CSPP1: variants seen among roughly 807,000 people sequenced by gnomAD.
The protein encoded by CSPP1 is centrosome and spindle pole associated protein 1.
Under a neutral mutation model 164.4 loss-of-function variants are expected in CSPP1, and 126 were observed. That is an observed-to-expected ratio of 0.77 (90% CI 0.66 to 0.89). The LOEUF is 0.89. CSPP1 is among the 40% of genes least tolerant of loss of function. CSPP1 has a pLI of 0.00. For synonymous variants in CSPP1, 472 were observed against 476.7 expected (o/e 0.99, Z 0.13); for missense variants, 1,395 against 1,449.8 (o/e 0.96, Z 0.61).
At position 67,154,097 on chromosome 8, in the gene CSPP1, T is replaced by A; in HGVS notation, c.2202T>A (p.Ile734=). 6.3e-7 allele frequency: 1 copy of A among 1,594,694 alleles called. No homozygotes were observed. Among genetic ancestry groups the A allele is most frequent in the Non-Finnish European group, 8.6e-7 (1 of 1,162,974 alleles). The change falls in exon 19 of 31, where the codon ATT becomes ATA. Residue 734 remains isoleucine (I), a synonymous_variant. Coordinates refer to ENST00000678616, the MANE Select transcript of CSPP1 (RefSeq NM_001382391.1). Reference sequence around the variant, plus strand: ...GTGAGCCTCCAACTGAACTTCAGATTAAACAGCAAGAATTATACAAGAATT... The same window carrying A: ...GTGAGCCTCCAACTGAACTTCAGATAAAACAGCAAGAATTATACAAGAATT... ...VFGEPPTELQ[I]KQQELYKNFL... is the part of the protein sequence containing the mutation.
intron 24 of CSPP1, among the ~76,000 whole-genome samples, chr8:67,171,484 G>A (rs1830452404): frequency 6.6e-6 from 1 of 152,064 alleles, no homozygotes; most frequent in Non-Finnish European, 1.5e-5. Flanking sequence ...GGCCTCCTGG[G>A]CTCAATCAAT....
rs183619087 is a variant in CSPP1 at position 67,131,928 on chromosome 8, T to G, written c.1698-23T>G. The G allele has an allele frequency of 2.6e-6, 4 of 1,559,650 alleles. No individual in the cohort carries two copies. The South Asian group carries it at 4.8e-5, about 19-fold the overall frequency. On this transcript the variant is annotated intron_variant, in intron 15 of 30. Transcript: ENST00000678616. ...TGCTTTGTCGTCAATGGATTTAAATTATTTATTGTGTATTTGATGTAGGAA... is the reference window on the plus strand; with the variant it reads ...TGCTTTGTCGTCAATGGATTTAAATGATTTATTGTGTATTTGATGTAGGAA...
chr8:67,109,576 G>T (rs959227732), intron 9 of CSPP1, among the ~76,000 whole-genome samples: 3 of 152,180 alleles, frequency 2.0e-5, no homozygotes, highest in African/African-American at 7.2e-5. Flanking sequence ...CAGGGATTCA[G>T]CTGGGAGCAG....
At chr8:67,080,175 C>T (rs1808846677) in intron 3 of CSPP1, among the ~76,000 whole-genome samples, 1 of 152,076 alleles carries the variant, frequency 6.6e-6, no homozygotes, top group South Asian at 2.1e-4. Context: ...TAAGTGGTCT[C>T]ATTTAGGAAT....
At chr8:67,115,872 T>G in intron 12 of CSPP1, 42 bp from the exon 13 acceptor site, 1 of 1,522,710 alleles carries the variant, frequency 6.6e-7, no homozygotes, top group Non-Finnish European at 9.1e-7. Flanking sequence ...CCTTTAAACT[T>G]ATGATTATAT....
intron 15 of CSPP1, among the ~76,000 whole-genome samples, chr8:67,127,668 C>T (rs1820363365): frequency 6.6e-6 from 1 of 152,138 alleles, no homozygotes; most frequent in African/African-American, 2.4e-5. Context: ...TCTTATTCTG[C>T]CATTCTAGAA....
intron 22 of CSPP1, among the ~76,000 whole-genome samples, chr8:67,163,144 G>A (rs1586643259): frequency 6.6e-6 from 1 of 152,238 alleles, no homozygotes; most frequent in African/African-American, 2.4e-5. Flanking sequence ...GTCACTTGGG[G>A]GTCACTTGAT....
chr8:67,177,603 AAGAT>A lies in CSPP1; in HGVS notation c.3110-75_3110-72del, dbSNP rs1224249477. ...ATTTCCAGTAGAGAGCTAGTCAAAA[AAGAT>A]ATTCTAAAATTTAATTTATATAGTA... On this transcript the variant is annotated intron_variant, in intron 26 of 30. Coordinates refer to ENST00000678616, the MANE Select transcript of CSPP1 (RefSeq NM_001382391.1). The A allele has an allele frequency of 9.9e-6, 9 of 911,500 alleles. No homozygotes were observed. The African/African-American group carries it at 1.0e-4, about 10-fold the overall frequency. 56.5% of individuals were successfully genotyped at this position (911,500 alleles called of 1,614,324 possible).
At chr8:67,103,183 A>T in intron 8 of CSPP1, 48 bp downstream of exon 8, 2 of 1,146,898 alleles carry the variant, frequency 1.7e-6, no homozygotes, top group Non-Finnish European at 2.6e-6. Flanking sequence ...ACATTGTGAA[A>T]CAGAATGTGC....
At chr8:67,074,188 A>G (rs1375757108) in intron 1 of CSPP1, 55 bp from the exon 2 acceptor site, 14 of 980,568 alleles carry the variant, frequency 1.4e-5, no homozygotes, top group Non-Finnish European at 1.9e-5. Context: ...ACATGTTGAT[A>G]ATTAGGCTAA....
intron 17 of CSPP1, among the ~76,000 whole-genome samples, chr8:67,141,994 AT>A (rs561479586): frequency 1.2e-3 from 176 of 152,352 alleles, no homozygotes; most frequent in African/African-American, 3.9e-3. Flanking sequence ...AATTAATAAA[AT>A]TGAATCTTAA....
At chr8:67,129,828 A>G (rs1346635430) in intron 15 of CSPP1, among the ~76,000 whole-genome samples, 1 of 152,196 alleles carries the variant, frequency 6.6e-6, no homozygotes, top group Non-Finnish European at 1.5e-5. Context: ...CTTACTTAAT[A>G]ATTACCTGGG....
intron 28 of CSPP1, among the ~76,000 whole-genome samples, chr8:67,190,193 T>C (rs1377714131): frequency 2.6e-5 from 4 of 152,234 alleles, no homozygotes; most frequent in Non-Finnish European, 5.9e-5. Context: ...TACTGGTAAA[T>C]GCATAGACAA....
At chr8:67,076,425 G>C in intron 2 of CSPP1, 57 bp from the exon 3 acceptor site, 1 of 931,124 alleles carries the variant, frequency 1.1e-6, no homozygotes, top group Non-Finnish European at 1.6e-6. Flanking sequence ...GAGATGAGTT[G>C]TATATTTCAT....
At chr8:67,070,114 G>A (rs1313618440) in intron 1 of CSPP1, among the ~76,000 whole-genome samples, 3 of 152,060 alleles carry the variant, frequency 2.0e-5, no homozygotes, top group Non-Finnish European at 4.4e-5. Flanking sequence ...CTTGTTTGCT[G>A]TTGAGTTCAG....
At chr8:67,162,476 G>A (rs1828551688) in intron 22 of CSPP1, among the ~76,000 whole-genome samples, 1 of 152,176 alleles carries the variant, frequency 6.6e-6, no homozygotes, top group Non-Finnish European at 1.5e-5. Context: ...TTCCAGACAG[G>A]CTAATTAGCA....
At chr8:67,091,576 C>T (rs1811616112) in intron 4 of CSPP1, among the ~76,000 whole-genome samples, 1 of 152,026 alleles carries the variant, frequency 6.6e-6, no homozygotes, top group Non-Finnish European at 1.5e-5. Context: ...AAAATTAAGG[C>T]CTGATTTTCC....
At chr8:67,192,402 T>C (rs1470498744) in intron 29 of CSPP1, among the ~76,000 whole-genome samples, 1 of 152,220 alleles carries the variant, frequency 6.6e-6, no homozygotes, top group East Asian at 1.9e-4. Flanking sequence ...TTGAATTGTC[T>C]TTTTATTGAG....
At chr8:67,175,523 C>A in intron 26 of CSPP1, 87 bp downstream of exon 26, 2 of 1,488,414 alleles carry the variant, frequency 1.3e-6, no homozygotes, top group Non-Finnish European at 1.9e-6. Flanking sequence ...ATTTCATTCC[C>A]AGGCATCCTC....
Sources: allele counts gnomAD v4.1 joint callset (sites outside exome capture counted in the v4.1 genomes callset), GRCh38; gene constraint gnomAD v4.1.1; transcripts MANE v1.5; gene names NCBI Gene and HGNC (gene_info 2026-07-23, HGNC 2026-07-21).